The following KIAA1671 variants were observed in gnomAD, a reference collection of about 807,000 sequenced individuals.
KIAA1671 encodes KIAA1671, also known as uncharacterized protein KIAA1671.
Under a neutral mutation model 131.2 loss-of-function variants are expected in KIAA1671, and 52 were observed. That is an observed-to-expected ratio of 0.40 (90% CI 0.32 to 0.50). The LOEUF (loss-of-function observed/expected upper bound fraction) is 0.50, where lower values mean the gene tolerates loss of function less well. Among genes scored for constraint, KIAA1671 ranks in the 20% least tolerant of loss-of-function variants. The probability of loss-of-function intolerance (pLI) is 0.73; values close to 1 mark genes in which losing one functional copy is unlikely to be tolerated. For missense variants in KIAA1671, 2,360 were observed against 2,364.2 expected, an observed-to-expected ratio of 1.00 and a Z score of 0.04; for synonymous variants, 1,003 against 961.6, an observed-to-expected ratio of 1.04 and a Z score of -0.80.
chr22:25,032,040 G>A (rs1926323746), intron 3 of KIAA1671, among the ~76,000 whole-genome samples: 2 of 152,156 alleles, frequency 1.3e-5, no homozygotes, highest in Non-Finnish European at 2.9e-5. Flanking sequence ...TTTTTGAGGT[G>A]GGGAAAACGA....
At chr22:25,129,442 G>A (rs1932332237) in intron 6 of KIAA1671, among the ~76,000 whole-genome samples, 3 of 151,792 alleles carry the variant, frequency 2.0e-5, no homozygotes, top group African/African-American at 7.3e-5. Flanking sequence ...GGGAGGCAGA[G>A]GTTTCAGTGA....
At chr22:25,139,012 G>A (rs1424569502) in intron 6 of KIAA1671, among the ~76,000 whole-genome samples, 5 of 152,196 alleles carry the variant, frequency 3.3e-5, no homozygotes, top group African/African-American at 1.2e-4. Flanking sequence ...CTTGAGCAGA[G>A]AGAAGCACCA....
intron 1 of KIAA1671, among the ~76,000 whole-genome samples, chr22:24,981,996 A>T (rs1211467250): frequency 2.0e-5 from 3 of 152,226 alleles, no homozygotes; most frequent in Admixed American, 6.5e-5. Flanking sequence ...GAATTACCTG[A>T]GGAGAGACAT....
At chr22:25,031,344 C>G (rs1191723849) in intron 3 of KIAA1671, among the ~76,000 whole-genome samples, 1 of 151,892 alleles carries the variant, frequency 6.6e-6, no homozygotes, top group Non-Finnish European at 1.5e-5. Context: ...CTACAGGCGT[C>G]AGCCACCACG....
At position 25,192,454 on chromosome 22, in the gene KIAA1671, C is replaced by T. The variant is rs938824761; in HGVS notation, c.*53C>T. 1 of 152,304 alleles carries T rather than the reference C, an allele frequency of 6.6e-6. No homozygotes were observed. The highest frequency in any genetic ancestry group is 2.4e-5 in the African/African-American group (1 of 41,444). 9.4% of individuals were successfully genotyped at this position (152,304 alleles called of 1,614,324 possible). A position where few individuals can be genotyped will look rare whatever the true frequency, so the allele number is the denominator to read the frequency against. Reference sequence around the variant, plus strand: ...GTAACAGAAGCCTTAACCATCAGAACCCGCAGACGAGGCCGAGCTGCTGCC... The same window carrying T: ...GTAACAGAAGCCTTAACCATCAGAATCCGCAGACGAGGCCGAGCTGCTGCC... On this transcript the variant is annotated 3_prime_UTR_variant, in exon 13 of 13. Transcript: ENST00000358431.
chr22:25,037,857 T>G (rs1602087925), intron 4 of KIAA1671, among the ~76,000 whole-genome samples: 1 of 152,164 alleles, frequency 6.6e-6, no homozygotes, highest in Non-Finnish European at 1.5e-5. Context: ...ATTTATTTTT[T>G]TAGACAGAGA....
At chr22:25,004,129 T>C (rs1924619403) in intron 1 of KIAA1671, among the ~76,000 whole-genome samples, 1 of 152,006 alleles carries the variant, frequency 6.6e-6, no homozygotes, top group South Asian at 2.1e-4. Flanking sequence ...TTTTTTTTTT[T>C]TTTTGAGACA....
At chr22:25,043,255 A>C (rs963198150) in intron 5 of KIAA1671, among the ~76,000 whole-genome samples, 1 of 152,126 alleles carries the variant, frequency 6.6e-6, no homozygotes, top group Non-Finnish European at 1.5e-5. Context: ...AATCTACCCA[A>C]ATATCTATCA....
intron 10 of KIAA1671, among the ~76,000 whole-genome samples, chr22:25,182,203 ATTCC>A (rs919689677): frequency 1.5e-3 from 165 of 113,126 alleles, no homozygotes; most frequent in African/African-American, 6.9e-3. Flanking sequence ...AAACAAACAT[ATTCC>A]TTCCTTCCGT....
intron 1 of KIAA1671, among the ~76,000 whole-genome samples, chr22:25,009,154 C>CATGG (rs1281342439): frequency 6.6e-6 from 1 of 151,712 alleles, no homozygotes; most frequent in Non-Finnish European, 1.5e-5. Context: ...AATACCAAGA[C>CATGG]ATGGGTTCAG....
At chr22:25,082,956 T>C in intron 6 of KIAA1671, among the ~76,000 whole-genome samples, 1 of 152,344 alleles carries the variant, frequency 6.6e-6, no homozygotes, top group South Asian at 2.1e-4. Context: ...ATTAATAAAA[T>C]ATAGGCATGT....
intron 4 of KIAA1671, among the ~76,000 whole-genome samples, chr22:25,036,058 G>A (rs893436755): frequency 3.3e-5 from 5 of 152,122 alleles, no homozygotes; most frequent in South Asian, 2.1e-4. Context: ...GCAACAGAGC[G>A]AGATGCTGTC....
intron 6 of KIAA1671, among the ~76,000 whole-genome samples, chr22:25,092,084 A>G (rs117875166): frequency 0.019 from 2,860 of 152,322 alleles, 43 homozygotes; most frequent in Non-Finnish European, 0.031. Flanking sequence ...AGAGGGGAAT[A>G]CGAAAAACAA....
intron 1 of KIAA1671, among the ~76,000 whole-genome samples, chr22:24,973,051 G>A (rs747638548): frequency 4.6e-5 from 7 of 152,196 alleles, no homozygotes; most frequent in Admixed American, 1.3e-4. Context: ...AGGCCCCCAG[G>A]CAGGAGCAAG....
At chr22:25,109,431 G>A (rs1316181355) in intron 6 of KIAA1671, among the ~76,000 whole-genome samples, 4 of 151,958 alleles carry the variant, frequency 2.6e-5, no homozygotes, top group Non-Finnish European at 1.5e-5. Flanking sequence ...TTACTCAGAC[G>A]TGAGCCACCG....
intron 3 of KIAA1671, among the ~76,000 whole-genome samples, chr22:25,030,294 C>T (rs1208061063): frequency 2.6e-5 from 4 of 152,106 alleles, no homozygotes; most frequent in South Asian, 4.1e-4. Flanking sequence ...CCCAGCACTT[C>T]GGGAGGCCGA....
At chr22:25,007,277 A>C (rs1924796374) in intron 1 of KIAA1671, among the ~76,000 whole-genome samples, 2 of 151,932 alleles carry the variant, frequency 1.3e-5, no homozygotes, top group Admixed American at 1.3e-4. Context: ...CACGAGGTCA[A>C]GAGATCGAGA....
intron 1 of KIAA1671, among the ~76,000 whole-genome samples, chr22:24,958,312 G>C (rs1234346536): frequency 6.6e-6 from 1 of 152,056 alleles, no homozygotes; most frequent in East Asian, 1.9e-4. Flanking sequence ...TTGAGCCCAG[G>C]AGTTTGAGAC....
chr22:25,166,074 A>G (rs765560681), intron 6 of KIAA1671, among the ~76,000 whole-genome samples: 2 of 152,222 alleles, frequency 1.3e-5, no homozygotes. Context: ...TAGAATGAGA[A>G]GCACATACAG....
Sources: gnomAD v4.1 joint callset for allele counts (sites outside exome capture counted in the v4.1 genomes callset) on GRCh38, gnomAD v4.1.1 for gene constraint, MANE v1.5 for transcripts, NCBI Gene and HGNC (gene_info 2026-07-23, HGNC 2026-07-21) for gene names.